Variants in DOCK3 observed in about 807,000 individuals in gnomAD.
DOCK3 encodes the protein dedicator of cytokinesis protein 3.
DOCK3 carries 60 observed loss-of-function variants against 265.6 expected under a neutral mutation model. That is an observed-to-expected ratio of 0.23 (90% CI 0.18 to 0.28). The LOEUF is 0.28. DOCK3 is among the 10% of genes least tolerant of loss of function. The probability of loss-of-function intolerance (pLI) is 1.00; values close to 1 mark genes in which losing one functional copy is unlikely to be tolerated. For synonymous variants in DOCK3, 881 were observed against 938.0 expected, an observed-to-expected ratio of 0.94 and a Z score of 1.11; for missense variants, 1,981 against 2,594.3, an observed-to-expected ratio of 0.76 and a Z score of 5.14.
chr3:51,155,519 G>A (rs990473779), intron 10 of DOCK3, among the ~76,000 whole-genome samples: 13 of 152,142 alleles, frequency 8.5e-5, no homozygotes, highest in Non-Finnish European at 1.8e-4. Context: ...AGAAAATGTA[G>A]CCACAACTAT....
chr3:51,367,571 G>A (rs2087305259), intron 49 of DOCK3, among the ~76,000 whole-genome samples: 1 of 152,348 alleles, frequency 6.6e-6, no homozygotes, highest in African/African-American at 2.4e-5. Flanking sequence ...AGTTGATGCA[G>A]TTTCTTTGTA....
intron 1 of DOCK3, among the ~76,000 whole-genome samples, chr3:50,678,020 A>C (rs1360120706): frequency 6.6e-6 from 1 of 151,908 alleles, no homozygotes; most frequent in Admixed American, 6.6e-5. Flanking sequence ...GAGTAGTCTT[A>C]ATGTTATCAT....
intron 3 of DOCK3, among the ~76,000 whole-genome samples, chr3:50,888,674 T>G (rs2107715846): frequency 6.6e-6 from 1 of 152,188 alleles, no homozygotes; most frequent in South Asian, 2.1e-4. Flanking sequence ...TATAGATCAA[T>G]GGAACAGAAC....
intron 12 of DOCK3, among the ~76,000 whole-genome samples, chr3:51,166,119 C>T (rs1452530586): frequency 6.7e-6 from 1 of 149,964 alleles, no homozygotes; most frequent in South Asian, 2.1e-4. Flanking sequence ...GGCGCAATCT[C>T]AGCTCACTGC....
intron 18 of DOCK3, 79 bp from the exon 19 acceptor site, chr3:51,229,433 A>G (rs1350281370): frequency 2.9e-6 from 3 of 1,049,426 alleles, no homozygotes; most frequent in Non-Finnish European, 4.0e-6. Context: ...CCTGGGCAAC[A>G]GAGTGAGACT....
chr3:51,324,040 C>T (rs1289095784), intron 32 of DOCK3, among the ~76,000 whole-genome samples: 5 of 152,188 alleles, frequency 3.3e-5, no homozygotes, highest in African/African-American at 4.8e-5. Flanking sequence ...TCTCTCACCA[C>T]TCCTATTCAA....
intron 3 of DOCK3, among the ~76,000 whole-genome samples, chr3:50,856,147 C>T (rs1211971457): frequency 2.0e-5 from 3 of 152,040 alleles, no homozygotes; most frequent in Admixed American, 6.6e-5. Context: ...GCATTGAACA[C>T]GTGTGGTTGT....
chr3:50,978,590 G>A (rs1437701133), intron 5 of DOCK3, among the ~76,000 whole-genome samples: 1 of 152,170 alleles, frequency 6.6e-6, no homozygotes, highest in African/African-American at 2.4e-5. Context: ...GGTTACTGCT[G>A]TCTTTTTGTT....
At chr3:50,723,741 A>G (rs2108041703) in intron 1 of DOCK3, among the ~76,000 whole-genome samples, 1 of 152,314 alleles carries the variant, frequency 6.6e-6, no homozygotes, top group African/African-American at 2.4e-5. Flanking sequence ...AACCATAAAA[A>G]CCCTAGAAGA....
At chr3:50,865,479 A>G (rs891912013) in intron 3 of DOCK3, among the ~76,000 whole-genome samples, 1 of 152,164 alleles carries the variant, frequency 6.6e-6, no homozygotes, top group Admixed American at 6.5e-5. Context: ...AAATAACAGG[A>G]TCTTATTCTT....
At chr3:51,207,025 G>A (rs1226064332) in intron 12 of DOCK3, among the ~76,000 whole-genome samples, 1 of 152,184 alleles carries the variant, frequency 6.6e-6, no homozygotes, top group Non-Finnish European at 1.5e-5. Flanking sequence ...CTTAGGATGA[G>A]TCTGGGCTAG....
At chr3:50,730,019 G>A (rs4626094) in intron 1 of DOCK3, among the ~76,000 whole-genome samples, 5 of 149,714 alleles carry the variant, frequency 3.3e-5, no homozygotes, top group South Asian at 2.1e-4. Context: ...CAGGCTGGCC[G>A]AATTTCTGAT....
At chr3:51,367,584 G>A (rs182419644) in intron 49 of DOCK3, among the ~76,000 whole-genome samples, 8 of 152,164 alleles carry the variant, frequency 5.3e-5, no homozygotes, top group African/African-American at 4.8e-5. Context: ...TCTTTGTAGC[G>A]TTGATGGTGT....
Position 51,266,787 on chromosome 3 carries a change from A to T in DOCK3, c.2356-4028A>T, listed in dbSNP as rs144273828. Among the ~76,000 whole-genome samples the T allele has an allele frequency of 9.0e-3, 1,370 of 152,346 alleles. 28 individuals are homozygous for T. The highest frequency in any genetic ancestry group is 0.029 in the African/African-American group (1,223 of 41,588). On this transcript the variant is annotated intron_variant, in intron 23 of 52. Coordinates refer to ENST00000266037, the MANE Select transcript of DOCK3 (RefSeq NM_004947.5). Reference sequence around the variant, plus strand: ...CATAGGCAAAGATTTCATGACTAAAACACCAAAAGCAGTGGCATCAAAAGC... The same window carrying T: ...CATAGGCAAAGATTTCATGACTAAATCACCAAAAGCAGTGGCATCAAAAGC...
At chr3:50,729,991 G>T (rs2038093990) in intron 1 of DOCK3, among the ~76,000 whole-genome samples, 1 of 151,328 alleles carries the variant, frequency 6.6e-6, no homozygotes, top group Admixed American at 6.6e-5. Flanking sequence ...GCTAATTTTT[G>T]TATTTTTGTA....
intron 12 of DOCK3, among the ~76,000 whole-genome samples, chr3:51,183,305 A>G (rs1197397687): frequency 6.6e-6 from 1 of 152,184 alleles, no homozygotes; most frequent in Non-Finnish European, 1.5e-5. Flanking sequence ...TTAAGTGTAT[A>G]CTAACCCATT....
At chr3:51,242,927 G>A (rs375497805) in intron 21 of DOCK3, among the ~76,000 whole-genome samples, 80 of 152,310 alleles carry the variant, frequency 5.3e-4, no homozygotes, top group African/African-American at 1.8e-3. Flanking sequence ...AGGCTAGTGC[G>A]TGGCATAGGG....
chr3:51,340,106 T>C (rs554366555), intron 37 of DOCK3, among the ~76,000 whole-genome samples: 2 of 152,330 alleles, frequency 1.3e-5, no homozygotes, highest in East Asian at 1.9e-4. Context: ...TGAGAGGGCA[T>C]TGAAGAGAAA....
At chr3:51,311,376 C>G (rs2083057973) in intron 28 of DOCK3, among the ~76,000 whole-genome samples, 1 of 152,192 alleles carries the variant, frequency 6.6e-6, no homozygotes, top group Non-Finnish European at 1.5e-5. Context: ...TCCCACTAGA[C>G]TTCCTCTCCA....
Sources: allele counts gnomAD v4.1 joint callset (sites outside exome capture counted in the v4.1 genomes callset), GRCh38; gene constraint gnomAD v4.1.1; transcripts MANE v1.5; gene names NCBI Gene and HGNC (gene_info 2026-07-23, HGNC 2026-07-21).